Variants in CCDC25 observed in about 807,000 individuals in gnomAD.
The protein encoded by CCDC25 is coiled-coil domain containing 25.
In CCDC25, 16 loss-of-function variants were observed where a neutral mutation model predicts 35.3. The ratio of observed to expected loss-of-function variants is 0.45; its 90% CI spans 0.31 to 0.69. The LOEUF is 0.69. Ranked by LOEUF, CCDC25 falls within the 30% of genes least tolerant of loss-of-function variation. The pLI is 0.06. For synonymous variants in CCDC25, 79 were observed against 80.3 expected, an observed-to-expected ratio of 0.98 and a Z score of 0.09; for missense variants, 179 against 250.7, an observed-to-expected ratio of 0.71 and a Z score of 1.93.
chr8:27,757,829 G>C (rs976725537), intron 3 of CCDC25, among the ~76,000 whole-genome samples: 2 of 152,166 alleles, frequency 1.3e-5, no homozygotes, highest in African/African-American at 4.8e-5. Context: ...GGAGGTGACT[G>C]GATCATGGGG....
chr8:27,741,172 G>T (rs185827866), intron 7 of CCDC25, among the ~76,000 whole-genome samples: 1 of 152,160 alleles, frequency 6.6e-6, no homozygotes, highest in Non-Finnish European at 1.5e-5. Flanking sequence ...AATGTGTTCC[G>T]CAAGAAGCCA....
At chr8:27,768,827 G>A (rs1458539681) in intron 1 of CCDC25, among the ~76,000 whole-genome samples, 1 of 152,134 alleles carries the variant, frequency 6.6e-6, no homozygotes, top group East Asian at 1.9e-4. Context: ...CTACTTTTAG[G>A]CAGATGATAT....
At chr8:27,748,346 G>A in intron 6 of CCDC25, 67 bp from the exon 7 acceptor site, 1 of 1,460,606 alleles carries the variant, frequency 6.8e-7, no homozygotes, top group Admixed American at 1.8e-5. Flanking sequence ...GAGGGATGAG[G>A]CTTTCCAGGG....
At chr8:27,736,454 T>C (rs1209068589) in intron 8 of CCDC25, among the ~76,000 whole-genome samples, 1 of 152,218 alleles carries the variant, frequency 6.6e-6, no homozygotes, top group African/African-American at 2.4e-5. Flanking sequence ...GAGGTGTCAT[T>C]ACATGGCCTG....
chr8:27,739,088 A>C (rs1443493926), intron 8 of CCDC25, among the ~76,000 whole-genome samples: 2 of 152,160 alleles, frequency 1.3e-5, no homozygotes. Context: ...CTTTATTAGG[A>C]TCTAACCCAA....
intron 4 of CCDC25, 49 bp downstream of exon 4, chr8:27,756,670 G>A: frequency 2.5e-6 from 3 of 1,210,898 alleles, no homozygotes; most frequent in Non-Finnish European, 2.5e-6. Context: ...AACAAGATAT[G>A]ATGCATCATC....
rs73231096 is a variant in CCDC25 at position 27,771,923 on chromosome 8, T to C, written c.28+590A>G. Reference sequence around the variant, plus strand: ...GGGAACGAAGGGCACCCTTTCCTTATCTGTCAAAGATAAGTCAGAAGCATT... The same window carrying C: ...GGGAACGAAGGGCACCCTTTCCTTACCTGTCAAAGATAAGTCAGAAGCATT... On this transcript the variant is annotated intron_variant, in intron 1 of 8. Transcript: ENST00000356537. 233 of 152,386 alleles carry C rather than the reference T, an allele frequency of 1.5e-3. 2 individuals carry two copies. Among genetic ancestry groups the C allele is most frequent in the Middle Eastern group, 0.01 (3 of 294 alleles). The allele number at this position is 152,386 out of a possible 1,614,324, so 9.4% of individuals were successfully genotyped here. A position where few individuals can be genotyped will look rare whatever the true frequency, so the allele number is the denominator to read the frequency against.
chr8:27,754,656 C>T (rs1169755813), intron 4 of CCDC25: 1 of 152,114 alleles, frequency 6.6e-6, no homozygotes, highest in East Asian at 1.9e-4. Context: ...ATCCCACAAC[C>T]AGCTACATTT....
In CCDC25 at chr8:27,748,209, C is replaced by G; in HGVS notation, c.419G>C (p.Arg140Pro). The change falls in exon 7 of 9, where the codon CGG becomes CCG. Residue 140 changes from arginine to proline, a missense_variant. Transcript: ENST00000356537. ...TTTCTCTGCTGCTAGGTCTGGGAAC[C>G]GCTCGACTTTGGTCTTTTCTAATCG... is the stretch of plus-strand genomic sequence containing the variant. ...LNRLEKTKVERFPDLAAEKEC... is the reference protein window; with the variant it reads ...LNRLEKTKVEPFPDLAAEKEC... The G allele has an allele frequency of 6.2e-7, 1 of 1,613,930 alleles. No individual in the cohort carries two copies. The highest frequency in any genetic ancestry group is 8.5e-7 in the Non-Finnish European group (1 of 1,179,894).
At chr8:27,754,061 C>CA (rs1803910466) in intron 4 of CCDC25, among the ~76,000 whole-genome samples, 1 of 151,850 alleles carries the variant, frequency 6.6e-6, no homozygotes, top group South Asian at 2.1e-4. Context: ...GGCAATCTGG[C>CA]AAAAAAGCAG....
intron 1 of CCDC25, 78 bp downstream of exon 1, chr8:27,772,435 G>A (rs1168816008): frequency 7.0e-7 from 1 of 1,420,514 alleles, no homozygotes; most frequent in Non-Finnish European, 9.7e-7. Flanking sequence ...GCGAGGGTCA[G>A]GCGCAGCGGC....
intron 7 of CCDC25, among the ~76,000 whole-genome samples, chr8:27,744,637 T>C (rs559678678): frequency 1.2e-4 from 19 of 152,344 alleles, no homozygotes; most frequent in African/African-American, 4.3e-4. Context: ...ACTTACAACA[T>C]GAAATTCTGG....
At chr8:27,764,615 CA>C in intron 2 of CCDC25, 1 of 232,548 alleles carries the variant, frequency 4.3e-6, no homozygotes, top group Non-Finnish European at 8.8e-6. Context: ...TTAATGACAG[CA>C]AAATGCCACT....
At chr8:27,762,598 A>G in intron 2 of CCDC25, 140 bp from the exon 3 acceptor site, 1 of 596,068 alleles carries the variant, frequency 1.7e-6, no homozygotes. Flanking sequence ...GGAGGCCTTG[A>G]TGCTTGAAAA....
chr8:27,768,356 G>C, intron 1 of CCDC25, among the ~76,000 whole-genome samples: 1 of 152,138 alleles, frequency 6.6e-6, no homozygotes, highest in Non-Finnish European at 1.5e-5. Context: ...CTTGAGGCCA[G>C]GAGTTCAAGA....
intron 3 of CCDC25, among the ~76,000 whole-genome samples, chr8:27,758,196 TAA>T (rs1367358701): frequency 6.6e-6 from 1 of 152,248 alleles, no homozygotes; most frequent in Admixed American, 6.5e-5. Flanking sequence ...CAGAAAATCC[TAA>T]AGAGGCATCA....
intron 5 of CCDC25, 86 bp downstream of exon 5, chr8:27,752,426 T>G (rs1803843390): frequency 9.5e-7 from 1 of 1,050,710 alleles, no homozygotes; most frequent in Admixed American, 1.8e-5. Flanking sequence ...GAGGCCAAAG[T>G]CAACAGCATG....
chr8:27,753,954 T>C (rs909987287), intron 4 of CCDC25, among the ~76,000 whole-genome samples: 2 of 152,164 alleles, frequency 1.3e-5, no homozygotes, highest in African/African-American at 4.8e-5. Flanking sequence ...ATCAAAATGG[T>C]CAAAAGGTTT....
intron 7 of CCDC25, among the ~76,000 whole-genome samples, chr8:27,747,329 C>T (rs570363194): frequency 3.8e-4 from 58 of 152,286 alleles, no homozygotes; most frequent in African/African-American, 1.4e-3. Context: ...CCATGGAAAG[C>T]TTGGAGAAGG....
Sources: allele counts gnomAD v4.1 joint callset (sites outside exome capture counted in the v4.1 genomes callset), GRCh38; gene constraint gnomAD v4.1.1; transcripts MANE v1.5; gene names NCBI Gene and HGNC (gene_info 2026-07-23, HGNC 2026-07-21).